LDB2: variants seen among roughly 807,000 people sequenced by gnomAD.
LDB2 encodes the protein LIM domain-binding protein 2.
LDB2 carries 12 observed loss-of-function variants against 44.3 expected under a neutral mutation model. That is an observed-to-expected ratio of 0.27 (90% CI 0.17 to 0.44). The LOEUF is 0.44. Among genes scored for constraint, LDB2 ranks in the 20% least tolerant of loss-of-function variants. The pLI, the probability that LDB2 is intolerant of heterozygous loss-of-function variation, is 1.00. For missense variants in LDB2, 344 were observed against 473.5 expected (o/e 0.73, Z 2.54); for synonymous variants, 164 against 174.8 (o/e 0.94, Z 0.49).
At chr4:16,555,605 CTCCTTTCTT>C (rs1266748597) in intron 5 of LDB2, among the ~76,000 whole-genome samples, 3 of 152,166 alleles carry the variant, frequency 2.0e-5, no homozygotes, top group Non-Finnish European at 4.4e-5. Context: ...TACCCTTTCT[CTCCTTTCTT>C]GAATGCGAAA....
At chr4:16,703,241 G>C (rs1448518825) in intron 2 of LDB2, among the ~76,000 whole-genome samples, 1 of 152,198 alleles carries the variant, frequency 6.6e-6, no homozygotes, top group Non-Finnish European at 1.5e-5. Flanking sequence ...TGGGAAACCA[G>C]GTATTTTTTC....
intron 1 of LDB2, among the ~76,000 whole-genome samples, chr4:16,895,544 T>TGTGTG: frequency 6.6e-6 from 1 of 150,744 alleles, no homozygotes; most frequent in Non-Finnish European, 1.5e-5. Flanking sequence ...TGGGGTGTGT[T>TGTGTG]TGTGTGTGTG....
In LDB2 at chr4:16,574,711, G is replaced by C. The variant is rs543248971; in HGVS notation, c.615+11211C>G. Among the ~76,000 whole-genome samples, 4 of 152,198 alleles carry C rather than the reference G, an allele frequency of 2.6e-5. No individual in the cohort carries two copies. The South Asian group carries it at 8.3e-4, about 31-fold the overall frequency. ...AGCAGTACAAGTTGAGTCCTGATCT[G>C]CTGCACTCAGAAAGTACAGGAGGAG... On this transcript the variant is annotated intron_variant, in intron 5 of 7. Transcript: ENST00000304523.
At chr4:16,799,930 T>G (rs1777454010) in intron 1 of LDB2, among the ~76,000 whole-genome samples, 2 of 152,212 alleles carry the variant, frequency 1.3e-5, no homozygotes, top group African/African-American at 4.8e-5. Context: ...ATGTTTTTAT[T>G]TGGGAAACCT....
rs146975425 is a variant in LDB2 at position 16,639,569 on chromosome 4, C to G, written c.236-43694G>C. Among the ~76,000 whole-genome samples, 694 of 152,320 alleles carry G rather than the reference C, an allele frequency of 4.6e-3. 7 individuals carry two copies. The highest frequency in any genetic ancestry group is 0.016 in the African/African-American group (652 of 41,564). On this transcript the variant is annotated intron_variant, in intron 2 of 7. Coordinates refer to ENST00000304523, the MANE Select transcript of LDB2 (RefSeq NM_001290.5). ...TTCCACCTACCAGGTTCAAGCAACT[C>G]TATTGCCTCAGCCTGCCAAGTAGCT...
intron 2 of LDB2, among the ~76,000 whole-genome samples, chr4:16,618,754 CT>C (rs745987810): frequency 2.6e-5 from 4 of 152,112 alleles, no homozygotes; most frequent in African/African-American, 7.2e-5. Flanking sequence ...TATGGTGTGG[CT>C]CTGTGTCCCC....
At position 16,542,105 on chromosome 4, in the gene LDB2, G is replaced by GC. The variant is rs908424708; in HGVS notation, c.616-30002_616-30001insG. Among the ~76,000 whole-genome samples, 7 of 146,982 alleles carry GC rather than the reference G, an allele frequency of 4.8e-5. 1 individual carries two copies. The highest frequency in any genetic ancestry group is 3.4e-3 in the Middle Eastern group (1 of 294). On this transcript the variant is annotated intron_variant, in intron 5 of 7. Transcript: ENST00000304523. ...CCTTCCAATTACATCAGGTGGTGGG[G>GC]GGGGGGGCGCGAGCAGGAGGGCATA... is the stretch of plus-strand genomic sequence containing the variant.
intron 3 of LDB2, among the ~76,000 whole-genome samples, chr4:16,591,946 T>G (rs1719140135): frequency 6.6e-6 from 1 of 152,140 alleles, no homozygotes; most frequent in Non-Finnish European, 1.5e-5. Flanking sequence ...AAACATTTTC[T>G]GTTGTGCTGA....
At chr4:16,793,934 A>C (rs888788714) in intron 1 of LDB2, among the ~76,000 whole-genome samples, 3 of 152,122 alleles carry the variant, frequency 2.0e-5, no homozygotes, top group Non-Finnish European at 4.4e-5. Flanking sequence ...TAAAGCACTT[A>C]TCTGGGACCT....
intron 2 of LDB2, among the ~76,000 whole-genome samples, chr4:16,644,713 A>C (rs534730912): frequency 5.1e-4 from 77 of 152,300 alleles, no homozygotes; most frequent in African/African-American, 1.7e-3. Flanking sequence ...TATAGGCATG[A>C]GTCACTGCAC....
At chr4:16,877,080 T>C (rs887830794) in intron 1 of LDB2, among the ~76,000 whole-genome samples, 4 of 152,110 alleles carry the variant, frequency 2.6e-5, no homozygotes, top group African/African-American at 9.7e-5. Flanking sequence ...ACTAGAGCTT[T>C]TATTCCAAAC....
chr4:16,759,062 T>A, intron 2 of LDB2, 96 bp downstream of exon 2: 2 of 737,236 alleles, frequency 2.7e-6, no homozygotes, highest in Non-Finnish European at 4.7e-6. Context: ...GGTATTATTG[T>A]CAGGCTGTCA....
chr4:16,592,990 G>C (rs903452002), intron 3 of LDB2, among the ~76,000 whole-genome samples: 4 of 151,978 alleles, frequency 2.6e-5, no homozygotes, highest in Non-Finnish European at 4.4e-5. Flanking sequence ...TAAAAGAAAG[G>C]CTTTATAATG....
chr4:16,628,337 C>A (rs1447718165), intron 2 of LDB2, among the ~76,000 whole-genome samples: 1 of 152,086 alleles, frequency 6.6e-6, no homozygotes, highest in African/African-American at 2.4e-5. Flanking sequence ...GGATGGATTC[C>A]CAAAACCCAA....
chr4:16,556,419 C>T (rs1229707960), intron 5 of LDB2, among the ~76,000 whole-genome samples: 1 of 152,054 alleles, frequency 6.6e-6, no homozygotes, highest in Non-Finnish European at 1.5e-5. Context: ...TTTTTAGAAC[C>T]CCCAGGCTTT....
intron 2 of LDB2, among the ~76,000 whole-genome samples, chr4:16,676,218 T>C (rs1746293720): frequency 6.6e-6 from 1 of 152,228 alleles, no homozygotes; most frequent in South Asian, 2.1e-4. Context: ...TTCTTCTTTG[T>C]TGCTACATCT....
At position 16,518,047 on chromosome 4, in the gene LDB2, T is replaced by C. The variant is rs118065459; in HGVS notation, c.616-5943A>G. 5.2e-3 allele frequency among the ~76,000 whole-genome samples: 799 copies of C among 152,330 alleles called. 43 individuals are homozygous for C. In the East Asian group the frequency reaches 0.12, roughly 22 times the overall value. ...TTCATTTGATGAATAAATGATTGTC[T>C]CCTGCATGCAAAATGCTTTGCACAA... On this transcript the variant is annotated intron_variant, in intron 5 of 7. Transcript: ENST00000304523.
chr4:16,505,934 C>G, intron 7 of LDB2: 1 of 1,551,672 alleles, frequency 6.4e-7, no homozygotes, highest in South Asian at 1.2e-5. Context: ...TGACACAGGT[C>G]TCCATCCCTC....
chr4:16,611,821 C>CAAGGA (rs1465764500), intron 2 of LDB2, among the ~76,000 whole-genome samples: 1 of 152,214 alleles, frequency 6.6e-6, no homozygotes, highest in East Asian at 1.9e-4. Flanking sequence ...AGAAAATTAA[C>CAAGGA]AAGGATATCC....
Sources: allele counts gnomAD v4.1 joint callset (sites outside exome capture counted in the v4.1 genomes callset), GRCh38; gene constraint gnomAD v4.1.1; transcripts MANE v1.5; gene names NCBI Gene and HGNC (gene_info 2026-07-23, HGNC 2026-07-21).